Variants in EPHB1 observed in about 807,000 individuals in gnomAD.
EPHB1 encodes the protein ephrin type-B receptor 1.
A neutral mutation model predicts 94.4 loss-of-function variants in EPHB1; 30 were observed. The ratio of observed to expected loss-of-function variants is 0.32; its 90% CI spans 0.24 to 0.43. The LOEUF (loss-of-function observed/expected upper bound fraction) is 0.43. EPHB1 is among the 20% of genes least tolerant of loss of function. EPHB1 has a pLI of 1.00. For missense variants in EPHB1, 1,055 were observed against 1,308.3 expected (o/e 0.81, Z 2.99); for synonymous variants, 522 against 489.1 (o/e 1.07, Z -0.89).
In EPHB1 at chr3:134,865,865, G is replaced by A. The variant is rs370791296; in HGVS notation, c.59-59951G>A. Reference sequence around the variant, plus strand: ...AATTGCCATTTTTAAAGGTTAAAACGGTTGGATATTGGGAAATTCATATGG... The same window carrying A: ...AATTGCCATTTTTAAAGGTTAAAACAGTTGGATATTGGGAAATTCATATGG... On this transcript the variant is annotated intron_variant, in intron 1 of 15. Transcript: ENST00000398015. Among the ~76,000 whole-genome samples the A allele has an allele frequency of 4.6e-5, 7 of 152,300 alleles. No individual in the cohort carries two copies. In the East Asian group the frequency reaches 7.7e-4, roughly 17 times the overall value.
intron 3 of EPHB1, among the ~76,000 whole-genome samples, chr3:135,092,107 T>C (rs1266892326): frequency 6.6e-6 from 1 of 152,186 alleles, no homozygotes; most frequent in Non-Finnish European, 1.5e-5. Flanking sequence ...TGCCAGCATA[T>C]GTCCTGCTCA....
intron 3 of EPHB1, among the ~76,000 whole-genome samples, chr3:134,990,678 CTG>C (rs1263504997): frequency 6.6e-6 from 1 of 152,216 alleles, no homozygotes; most frequent in African/African-American, 2.4e-5. Context: ...ATGGTATAAT[CTG>C]TGCTCATTCT....
intron 1 of EPHB1, among the ~76,000 whole-genome samples, chr3:134,844,871 T>C (rs2036841789): frequency 6.6e-6 from 1 of 152,230 alleles, no homozygotes; most frequent in South Asian, 2.1e-4. Context: ...CACAAGTCTC[T>C]ACCAGTTTGC....
chr3:134,981,639 A>G (rs1027441866), intron 3 of EPHB1, among the ~76,000 whole-genome samples: 2 of 152,068 alleles, frequency 1.3e-5, no homozygotes, highest in Non-Finnish European at 2.9e-5. Flanking sequence ...TCTTCTTCAC[A>G]TTTTTATTTC....
chr3:135,079,722 T>G (rs1372336452), intron 3 of EPHB1, among the ~76,000 whole-genome samples: 1 of 151,958 alleles, frequency 6.6e-6, no homozygotes, highest in Non-Finnish European at 1.5e-5. Flanking sequence ...AATTTGTGAG[T>G]GTGTGGTTGT....
At chr3:135,239,417 T>C (rs893108187) in intron 12 of EPHB1, among the ~76,000 whole-genome samples, 10 of 152,164 alleles carry the variant, frequency 6.6e-5, no homozygotes, top group African/African-American at 2.4e-4. Context: ...CCTCTTTCAG[T>C]GGAGGCATGA....
chr3:135,118,793 C>T (rs2107804879), intron 4 of EPHB1, among the ~76,000 whole-genome samples: 1 of 152,308 alleles, frequency 6.6e-6, no homozygotes, highest in South Asian at 2.1e-4. Context: ...GCAACCCCTA[C>T]CGAGTATACA....
rs80132444 is a variant in EPHB1, at chr3:134,954,383, T to C, written c.805+2331T>C. 9.1e-4 allele frequency among the ~76,000 whole-genome samples: 139 copies of C among 152,330 alleles called. 1 individual carries two copies. The East Asian group carries it at 0.025, about 27-fold the overall frequency. On this transcript the variant is annotated intron_variant, in intron 3 of 15. Transcript: ENST00000398015. ...GGTCTCCATGGTGTGTCTTCAGGGATAGGCTTTCCACTCATTTTTGGTGCT... is the reference window on the plus strand; with the variant it reads ...GGTCTCCATGGTGTGTCTTCAGGGACAGGCTTTCCACTCATTTTTGGTGCT...
intron 1 of EPHB1, among the ~76,000 whole-genome samples, chr3:134,827,009 A>G (rs1284717025): frequency 1.3e-5 from 2 of 152,204 alleles, no homozygotes; most frequent in East Asian, 1.9e-4. Context: ...TCCTGCCTGT[A>G]CAGGGCCTGG....
chr3:134,882,472 T>C (rs2037752304), intron 1 of EPHB1, among the ~76,000 whole-genome samples: 3 of 152,216 alleles, frequency 2.0e-5, no homozygotes, highest in Admixed American at 1.3e-4. Flanking sequence ...TGATTCATTG[T>C]ATATAAAAAA....
At chr3:135,031,959 T>C (rs1299584386) in intron 3 of EPHB1, among the ~76,000 whole-genome samples, 1 of 152,088 alleles carries the variant, frequency 6.6e-6, no homozygotes, top group Non-Finnish European at 1.5e-5. Context: ...GGAAAGCCAG[T>C]GACATTTCAA....
intron 1 of EPHB1, among the ~76,000 whole-genome samples, chr3:134,822,060 A>G (rs1176078128): frequency 6.6e-6 from 1 of 152,154 alleles, no homozygotes; most frequent in Non-Finnish European, 1.5e-5. Context: ...GCTGCCTGAG[A>G]TGAGTATAGG....
In EPHB1 at chr3:134,904,266, T is replaced by C. The variant is rs529586454; in HGVS notation, c.59-21550T>C. Among the ~76,000 whole-genome samples the C allele has an allele frequency of 2.6e-5, 4 of 152,382 alleles. No homozygotes were observed. In the South Asian group the frequency reaches 6.2e-4, roughly 24 times the overall value. ...CAACACATCGCCTGTTTGCTTTTTC[T>C]TGGTTTAACTCCCACACTAATTTTG... On this transcript the variant is annotated intron_variant, in intron 1 of 15. Transcript: ENST00000398015.
chr3:134,837,821 A>G (rs2036700840), intron 1 of EPHB1, among the ~76,000 whole-genome samples: 1 of 152,214 alleles, frequency 6.6e-6, no homozygotes, highest in Admixed American at 6.5e-5. Context: ...GGAAAATTTA[A>G]AAAGAAGGTG....
At chr3:134,970,851 A>G (rs1158038489) in intron 3 of EPHB1, among the ~76,000 whole-genome samples, 3 of 152,210 alleles carry the variant, frequency 2.0e-5, no homozygotes, top group Non-Finnish European at 4.4e-5. Flanking sequence ...TCACCCGCCT[A>G]CCATATTGAA....
At chr3:135,036,474 G>A (rs1936652355) in intron 3 of EPHB1, among the ~76,000 whole-genome samples, 1 of 152,202 alleles carries the variant, frequency 6.6e-6, no homozygotes, top group South Asian at 2.1e-4. Flanking sequence ...CCATGTGGGT[G>A]CTCTGCAGTG....
At chr3:134,936,467 G>A (rs1387532922) in intron 2 of EPHB1, among the ~76,000 whole-genome samples, 2 of 152,164 alleles carry the variant, frequency 1.3e-5, no homozygotes, top group African/African-American at 4.8e-5. Flanking sequence ...CCTGACAAGT[G>A]TTCAGGAAGT....
At chr3:135,137,423 G>A in intron 5 of EPHB1, among the ~76,000 whole-genome samples, 1 of 152,342 alleles carries the variant, frequency 6.6e-6, no homozygotes, top group East Asian at 1.9e-4. Context: ...GATTTAGCCT[G>A]TTGGCGATGG....
rs1560243670 is a variant in EPHB1, at chr3:134,811,256, T to TGGTTTTTG, written c.58+15567_58+15568insGGTTTTTG. On this transcript the variant is annotated intron_variant, in intron 1 of 15. Transcript: ENST00000398015. ...CTACTAAGAAGGTTTTTTTTTTTTT[T>TGGTTTTTG]TTTTTTTCTGTCTTGCTCTGTCCCC... 3.0e-5 allele frequency among the ~76,000 whole-genome samples: 4 copies of TGGTTTTTG among 134,864 alleles called. No individual in the cohort carries two copies. The South Asian group carries it at 7.8e-4, about 26-fold the overall frequency. The allele number at this position is 134,864 out of a possible 152,430, so 88.5% of individuals were successfully genotyped here. A position where few individuals can be genotyped will look rare whatever the true frequency, so the allele number is the denominator to read the frequency against.
Sources: allele counts gnomAD v4.1 joint callset (sites outside exome capture counted in the v4.1 genomes callset), GRCh38; gene constraint gnomAD v4.1.1; transcripts MANE v1.5; gene names NCBI Gene and HGNC (gene_info 2026-07-23, HGNC 2026-07-21).